Variants in BLTP3A observed in about 807,000 individuals in gnomAD.
The protein encoded by BLTP3A is ICBP90 binding protein 1.
the BLTP3A span, chr6:34,856,375 C>T: frequency 6.2e-7 from 1 of 1,614,002 alleles, no homozygotes; most frequent in African/African-American, 1.3e-5. Context: ...CACCCTGGCA[C>T]CTTGGAGTAG....
At chr6:34,804,435 A>T in the BLTP3A span, among the ~76,000 whole-genome samples, 66,563 of 152,002 alleles carry the variant, frequency 0.44, 16,370 homozygotes, top group African/African-American at 0.67. Context: ...GTCTGTAAGC[A>T]GAAAGCCCAG....
the BLTP3A span, chr6:34,835,457 C>T: frequency 6.2e-7 from 1 of 1,614,032 alleles, no homozygotes; most frequent in South Asian, 1.1e-5. Flanking sequence ...GCCCCTGAAC[C>T]TGTGCAGGTT....
the BLTP3A span, chr6:34,858,114 C>A: frequency 6.2e-7 from 1 of 1,606,188 alleles, no homozygotes; most frequent in Non-Finnish European, 8.5e-7. Flanking sequence ...GTTTCATTTT[C>A]TCTGTGAAGG....
chr6:34,859,927 C>T, the BLTP3A span, among the ~76,000 whole-genome samples: 1 of 152,012 alleles, frequency 6.6e-6, no homozygotes, highest in Non-Finnish European at 1.5e-5. Flanking sequence ...ATTATTGATA[C>T]AAATATGCTA....
At chr6:34,822,030 T>A in the BLTP3A span, 1 of 1,576,278 alleles carries the variant, frequency 6.3e-7, no homozygotes, top group Non-Finnish European at 8.7e-7. Context: ...AGGGAGAAAA[T>A]GATAGGCTAA....
At chr6:34,800,933 T>A in the BLTP3A span, among the ~76,000 whole-genome samples, 1 of 152,144 alleles carries the variant, frequency 6.6e-6, no homozygotes, top group African/African-American at 2.4e-5. Context: ...TTCACCATGT[T>A]GGCCAGGCTG....
At chr6:34,857,988 T>C in the BLTP3A span, 3 of 1,579,300 alleles carry the variant, frequency 1.9e-6, no homozygotes, top group Non-Finnish European at 2.6e-6. Context: ...ATATAATCCA[T>C]GGTTTTGCTC....
the BLTP3A span, among the ~76,000 whole-genome samples, chr6:34,797,506 A>C: frequency 3.6e-4 from 55 of 152,340 alleles, no homozygotes; most frequent in Non-Finnish European, 5.4e-4. Flanking sequence ...CCAGGCTCAG[A>C]GAGGCTGTTA....
the BLTP3A span, among the ~76,000 whole-genome samples, chr6:34,842,344 A>G: frequency 6.6e-6 from 1 of 152,194 alleles, no homozygotes; most frequent in Non-Finnish European, 1.5e-5. Flanking sequence ...ATATATTCAT[A>G]GGGTTGTATA....
chr6:34,857,046 A>G, the BLTP3A span: 4 of 1,327,526 alleles, frequency 3.0e-6, no homozygotes, highest in Non-Finnish European at 4.1e-6. Flanking sequence ...TTCTGGGAAG[A>G]TTAATAGTTT....
chr6:34,876,423 T>C, the BLTP3A span: 1 of 152,154 alleles, frequency 6.6e-6, no homozygotes, highest in African/African-American at 2.4e-5. Context: ...GGTAAACGGG[T>C]TGGGGGATGG....
chr6:34,870,116 TTATTC>T, the BLTP3A span, among the ~76,000 whole-genome samples: 1 of 152,182 alleles, frequency 6.6e-6, no homozygotes, highest in Admixed American at 6.5e-5. Flanking sequence ...ATTTACTTCT[TTATTC>T]TATTCTGGAC....
At chr6:34,806,635 C>G in the BLTP3A span, among the ~76,000 whole-genome samples, 3 of 152,148 alleles carry the variant, frequency 2.0e-5, no homozygotes, top group Non-Finnish European at 4.4e-5. Context: ...CTCTAAATAG[C>G]TCTTTGAGGC....
the BLTP3A span, chr6:34,867,747 G>A: frequency 2.4e-6 from 3 of 1,252,604 alleles, no homozygotes; most frequent in Non-Finnish European, 3.2e-6. Context: ...CAGCCATTAG[G>A]GGGAGGAAAA....
At chr6:34,818,049 G>A in the BLTP3A span, among the ~76,000 whole-genome samples, 2 of 151,836 alleles carry the variant, frequency 1.3e-5, no homozygotes, top group African/African-American at 4.8e-5. Flanking sequence ...TAGTAGAGAC[G>A]GGGTTTCACC....
chr6:34,834,556 C>A, the BLTP3A span: 2 of 1,360,098 alleles, frequency 1.5e-6, no homozygotes, highest in Middle Eastern at 2.6e-4. Flanking sequence ...GTTACTGCTA[C>A]ATCCTTTCCT....
At chr6:34,830,479 AT>A in the BLTP3A span, among the ~76,000 whole-genome samples, 3 of 152,272 alleles carry the variant, frequency 2.0e-5, no homozygotes, top group Admixed American at 6.5e-5. Flanking sequence ...AATCCCAGCT[AT>A]TCCAGAGTCT....
At chr6:34,792,169 G>C in the BLTP3A span, 1 of 1,324,306 alleles carries the variant, frequency 7.6e-7, no homozygotes, top group Non-Finnish European at 9.9e-7. Flanking sequence ...CCGCGGCGAG[G>C]TGAGGGGACC....
the BLTP3A span, among the ~76,000 whole-genome samples, chr6:34,831,220 T>G: frequency 6.6e-6 from 1 of 151,770 alleles, no homozygotes; most frequent in Non-Finnish European, 1.5e-5. Flanking sequence ...CTCCACCTCC[T>G]GGGTTCAAGT....
Sources: allele counts gnomAD v4.1 joint callset (sites outside exome capture counted in the v4.1 genomes callset), GRCh38; gene constraint gnomAD v4.1.1; transcripts MANE v1.5; gene names NCBI Gene and HGNC (gene_info 2026-07-23, HGNC 2026-07-21).